Variants in COL8A1 observed in about 807,000 individuals in gnomAD.
The protein encoded by COL8A1 is collagen type VIII alpha 1 chain.
Under a neutral mutation model 42.7 loss-of-function variants are expected in COL8A1, and 21 were observed. The ratio of observed to expected loss-of-function variants is 0.49; its 90% CI spans 0.35 to 0.71. COL8A1 has a LOEUF of 0.71. Ranked by LOEUF, COL8A1 falls within the 30% of genes least tolerant of loss-of-function variation. COL8A1 has a pLI of 0.01. For missense variants in COL8A1, 788 were observed against 962.4 expected (o/e 0.82, Z 2.40); for synonymous variants, 367 against 369.1 (o/e 0.99, Z 0.06).
intron 2 of COL8A1, among the ~76,000 whole-genome samples, chr3:99,761,863 C>T (rs1470286461): frequency 6.6e-6 from 1 of 152,262 alleles, no homozygotes; most frequent in South Asian, 2.1e-4. Flanking sequence ...AGATGAAATA[C>T]TTCTTTTCTC....
At chr3:99,680,108 T>G (rs1938823695) in intron 1 of COL8A1, 1 of 152,076 alleles carries the variant, frequency 6.6e-6, no homozygotes, top group Non-Finnish European at 1.5e-5. Context: ...AACTCATCAT[T>G]TACATTAGGT....
intron 1 of COL8A1, among the ~76,000 whole-genome samples, chr3:99,650,680 C>G (rs1559767888): frequency 3.9e-5 from 6 of 152,140 alleles, no homozygotes; most frequent in Admixed American, 2.0e-4. Flanking sequence ...GTGCTCTCCC[C>G]ACCTCGGCCT....
chr3:99,786,812 G>T (rs774702689), intron 2 of COL8A1, among the ~76,000 whole-genome samples: 3 of 152,110 alleles, frequency 2.0e-5, no homozygotes, highest in Non-Finnish European at 2.9e-5. Flanking sequence ...ATTGCCCTGA[G>T]AAATGCAATC....
At chr3:99,652,154 G>A (rs1465993392) in intron 1 of COL8A1, among the ~76,000 whole-genome samples, 1 of 152,114 alleles carries the variant, frequency 6.6e-6, no homozygotes, top group Non-Finnish European at 1.5e-5. Context: ...TGAGCCAGTG[G>A]CTAAAGGAAG....
At chr3:99,751,192 G>C (rs1941141416) in intron 2 of COL8A1, among the ~76,000 whole-genome samples, 1 of 152,166 alleles carries the variant, frequency 6.6e-6, no homozygotes, top group African/African-American at 2.4e-5. Context: ...GACCATTAGA[G>C]CTGGAAGGGG....
intron 1 of COL8A1, among the ~76,000 whole-genome samples, chr3:99,686,438 A>G (rs1233530726): frequency 2.6e-5 from 4 of 152,206 alleles, no homozygotes. Flanking sequence ...ACAAAGGAGG[A>G]AAGACCCTGG....
chr3:99,780,552 T>C (rs1170806931), intron 2 of COL8A1, among the ~76,000 whole-genome samples: 2 of 152,174 alleles, frequency 1.3e-5, no homozygotes, highest in Admixed American at 1.3e-4. Flanking sequence ...GAGTGTCCCA[T>C]CTCCAGCTCA....
chr3:99,742,283 C>A (rs1324919969), intron 1 of COL8A1, among the ~76,000 whole-genome samples: 1 of 152,098 alleles, frequency 6.6e-6, no homozygotes, highest in Non-Finnish European at 1.5e-5. Flanking sequence ...TATGCAGCTG[C>A]TGTGTGGAGA....
intron 2 of COL8A1, among the ~76,000 whole-genome samples, chr3:99,787,065 A>G (rs535889515): frequency 1.3e-5 from 2 of 152,276 alleles, no homozygotes; most frequent in African/African-American, 4.8e-5. Context: ...GTGTTAGCCT[A>G]TGTGAAAGGG....
At chr3:99,696,533 T>C (rs775982776) in intron 1 of COL8A1, among the ~76,000 whole-genome samples, 1 of 151,974 alleles carries the variant, frequency 6.6e-6, no homozygotes, top group Non-Finnish European at 1.5e-5. Context: ...AAACCAAAGA[T>C]GGAAGAGCAG....
chr3:99,766,145 C>T (rs1941459040), intron 2 of COL8A1, among the ~76,000 whole-genome samples: 1 of 152,150 alleles, frequency 6.6e-6, no homozygotes, highest in South Asian at 2.1e-4. Context: ...GTCAAGCTAC[C>T]CTTTATTGAG....
chr3:99,650,223 A>G (rs531189368), intron 1 of COL8A1, among the ~76,000 whole-genome samples: 9 of 152,298 alleles, frequency 5.9e-5, no homozygotes, highest in Non-Finnish European at 1.0e-4. Context: ...TAAAGCCTTC[A>G]TCAATATTAT....
chr3:99,660,931 C>A (rs1938184914), intron 1 of COL8A1, among the ~76,000 whole-genome samples: 1 of 152,018 alleles, frequency 6.6e-6, no homozygotes, highest in Non-Finnish European at 1.5e-5. Context: ...ATGTCTATGT[C>A]AATTTTTAAA....
intron 2 of COL8A1, among the ~76,000 whole-genome samples, chr3:99,749,968 G>A (rs1343092367): frequency 1.3e-5 from 2 of 149,798 alleles, no homozygotes; most frequent in East Asian, 2.0e-4. Flanking sequence ...TTATGCATGA[G>A]TTAACTATAT....
intron 1 of COL8A1, among the ~76,000 whole-genome samples, chr3:99,699,994 C>A (rs1270265712): frequency 6.6e-6 from 1 of 152,176 alleles, no homozygotes; most frequent in Non-Finnish European, 1.5e-5. Context: ...GAGAGCAGTG[C>A]CTCCCCAGTG....
chr3:99,749,855 C>T (rs756286185), intron 2 of COL8A1, among the ~76,000 whole-genome samples: 5 of 151,794 alleles, frequency 3.3e-5, no homozygotes, highest in Admixed American at 2.0e-4. Flanking sequence ...GAACCTAAAT[C>T]AAAATGGCTC....
chr3:99,738,742 T>G (rs936634494), intron 1 of COL8A1, among the ~76,000 whole-genome samples: 5 of 151,958 alleles, frequency 3.3e-5, no homozygotes, highest in African/African-American at 1.2e-4. Flanking sequence ...TGAGCTGTGG[T>G]GGGCTCCACC....
At chr3:99,752,290 C>A (rs551806419) in intron 2 of COL8A1, among the ~76,000 whole-genome samples, 59 of 152,128 alleles carry the variant, frequency 3.9e-4, no homozygotes, top group African/African-American at 1.3e-3. Flanking sequence ...AGAATTAAAT[C>A]AATAATAGAT....
At chr3:99,792,223 T>C (rs1395090856) in intron 3 of COL8A1, among the ~76,000 whole-genome samples, 4 of 152,218 alleles carry the variant, frequency 2.6e-5, no homozygotes, top group Non-Finnish European at 5.9e-5. Context: ...ATCTCAGACA[T>C]TTCTTTTCCT....
Sources: allele counts gnomAD v4.1 joint callset (sites outside exome capture counted in the v4.1 genomes callset), GRCh38; gene constraint gnomAD v4.1.1; transcripts MANE v1.5; gene names NCBI Gene and HGNC (gene_info 2026-07-23, HGNC 2026-07-21).